Variants in MCMBP observed in about 807,000 individuals in gnomAD.
The protein encoded by MCMBP is mini-chromosome maintenance complex-binding protein.
In MCMBP, 31 loss-of-function variants were observed where a neutral mutation model predicts 81.3. That is an observed-to-expected ratio of 0.38 (90% CI 0.29 to 0.51). The LOEUF (loss-of-function observed/expected upper bound fraction) is 0.51, where lower values mean the gene tolerates loss of function less well. Ranked by LOEUF, MCMBP falls within the 20% of genes least tolerant of loss-of-function variation. The pLI is 0.87. For synonymous variants in MCMBP, 267 were observed against 275.9 expected (o/e 0.97, Z 0.32); for missense variants, 645 against 772.1 (o/e 0.84, Z 1.95).
intron 15 of MCMBP, 54 bp downstream of exon 15, chr10:119,831,958 G>C: frequency 6.7e-7 from 1 of 1,491,494 alleles, no homozygotes; most frequent in Non-Finnish European, 9.1e-7. Context: ...GAATAACTCA[G>C]AAGACATATA....
rs1334047597 is a variant in MCMBP, at chr10:119,859,318, A to G, written c.145-137T>C. Reference sequence around the variant, plus strand: ...CACACACACACACCCATGCCACATCAGAGAGCCAAATGATCTCAATGGTCA... The same window carrying G: ...CACACACACACACCCATGCCACATCGGAGAGCCAAATGATCTCAATGGTCA... On this transcript the variant is annotated intron_variant, in intron 2 of 15. Coordinates refer to ENST00000369077, the MANE Select transcript of MCMBP (RefSeq NM_001256378.2). The G allele has an allele frequency of 7.0e-6, 5 of 709,386 alleles. No homozygotes were observed. In the African/African-American group the frequency reaches 7.2e-5, roughly 10 times the overall value. The allele number at this position is 709,386 out of a possible 1,614,324, so 43.9% of individuals were successfully genotyped here. A position where few individuals can be genotyped will look rare whatever the true frequency, so the allele number is the denominator to read the frequency against.
intron 6 of MCMBP, among the ~76,000 whole-genome samples, chr10:119,852,519 T>G (rs369518890): frequency 6.6e-6 from 1 of 152,010 alleles, no homozygotes; most frequent in African/African-American, 2.4e-5. Flanking sequence ...TACACAAAAT[T>G]TAAAAAGTTA....
intron 5 of MCMBP, among the ~76,000 whole-genome samples, chr10:119,855,398 G>A (rs1374145547): frequency 6.6e-6 from 1 of 152,200 alleles, no homozygotes; most frequent in South Asian, 2.1e-4. Context: ...AGGGCCAGGC[G>A]CGGTGGCTCA....
At chr10:119,868,941 A>G (rs1853567911) in intron 1 of MCMBP, among the ~76,000 whole-genome samples, 1 of 152,180 alleles carries the variant, frequency 6.6e-6, no homozygotes, top group Non-Finnish European at 1.5e-5. Flanking sequence ...AAAGTCTCAG[A>G]GCAAGGCAAG....
Position 119,838,312 on chromosome 10 carries a change from T to G in MCMBP, c.1408+223A>C, listed in dbSNP as rs900508344. On this transcript the variant is annotated intron_variant, in intron 12 of 15. Coordinates refer to ENST00000369077, the MANE Select transcript of MCMBP (RefSeq NM_001256378.2). Reference sequence around the variant, plus strand: ...ATTATATAAGATATATTATATAAGATATATATCTGTTCCATTGTACTACTT... The same window carrying G: ...ATTATATAAGATATATTATATAAGAGATATATCTGTTCCATTGTACTACTT... Among the ~76,000 whole-genome samples the G allele has an allele frequency of 2.7e-5, 4 of 148,986 alleles. No homozygotes were observed. In the Admixed American group the frequency reaches 2.7e-4, roughly 10 times the overall value.
intron 14 of MCMBP, among the ~76,000 whole-genome samples, chr10:119,832,720 CTT>C (rs1458614665): frequency 2.0e-5 from 3 of 152,252 alleles, no homozygotes; most frequent in Admixed American, 6.5e-5. Context: ...GCAAGGTTGT[CTT>C]TATTTAACCT....
chr10:119,847,770 T>G (rs772227660), intron 7 of MCMBP, 57 bp from the exon 8 acceptor site: 279 of 1,037,446 alleles, frequency 2.7e-4, no homozygotes, highest in Admixed American at 4.7e-4. Flanking sequence ...CTTAAGATAT[T>G]AGTCTTGAAG....
intron 14 of MCMBP, among the ~76,000 whole-genome samples, chr10:119,834,649 T>G (rs758283097): frequency 6.6e-6 from 1 of 151,528 alleles, no homozygotes; most frequent in African/African-American, 2.4e-5. Flanking sequence ...AGATCCCCTA[T>G]CTGCACACAC....
Position 119,870,444 on chromosome 10 carries a change from C to CAAA in MCMBP, c.58+2080_58+2082dup, listed in dbSNP as rs34275612. On this transcript the variant is annotated intron_variant, in intron 1 of 15. Transcript: ENST00000369077. Reference sequence around the variant, plus strand: ...CCTGGGTGACAGTGCGAGACTGTCTCAAAAAAAAAAAATGCATATTTCAAA... The same window carrying CAAA: ...CCTGGGTGACAGTGCGAGACTGTCTCAAAAAAAAAAAAAAATGCATATTTCAAA... 5.1e-3 allele frequency among the ~76,000 whole-genome samples: 686 copies of CAAA among 135,238 alleles called. 3 individuals are homozygous for CAAA. Among genetic ancestry groups the CAAA allele is most frequent in the Non-Finnish European group, 8.4e-3 (525 of 62,692 alleles). The allele number at this position is 135,238 out of a possible 152,430, so 88.7% of individuals were successfully genotyped here.
intron 10 of MCMBP, among the ~76,000 whole-genome samples, chr10:119,842,226 G>C (rs1352213107): frequency 6.6e-6 from 1 of 152,158 alleles, no homozygotes; most frequent in Non-Finnish European, 1.5e-5. Flanking sequence ...GTGCCTAAAA[G>C]GTTGGGGACC....
chr10:119,859,742 T>C (rs1853184381), intron 2 of MCMBP, 57 bp downstream of exon 2: 1 of 1,145,020 alleles, frequency 8.7e-7, no homozygotes, highest in South Asian at 1.4e-5. Context: ...GTTACTCTAC[T>C]AAGAGAAACT....
Position 119,849,430 on chromosome 10 carries a change from C to A in MCMBP, c.721G>T (p.Val241Leu). The A allele has an allele frequency of 1.2e-6, 2 of 1,607,622 alleles. No homozygotes were observed. The highest frequency in any genetic ancestry group is 1.7e-6 in the Non-Finnish European group (2 of 1,178,188). The change falls in exon 7 of 16, where the codon GTG becomes TTG. Residue 241 changes from valine (V) to leucine (L), a missense_variant. By Grantham distance (32) the Val-to-Leu change is conservative. Coordinates refer to ENST00000369077, the MANE Select transcript of MCMBP (RefSeq NM_001256378.2). ...LPGEKGPACL[V>L]KVYEDWDCFK... ...TCTACGAAAGGTTTTATTACCTTCA[C>A]AAGGCATGCAGGGCCCTTCTCTCCT... is the stretch of plus-strand genomic sequence containing the variant.
At chr10:119,851,444 A>G (rs933470271) in intron 6 of MCMBP, among the ~76,000 whole-genome samples, 1 of 152,048 alleles carries the variant, frequency 6.6e-6, no homozygotes, top group African/African-American at 2.4e-5. Flanking sequence ...TTACTATGAT[A>G]TTTATTTGAG....
At chr10:119,861,852 G>A (rs989912729) in intron 1 of MCMBP, among the ~76,000 whole-genome samples, 2 of 151,958 alleles carry the variant, frequency 1.3e-5, no homozygotes, top group African/African-American at 4.8e-5. Context: ...GTGATCCTCT[G>A]GCCTCAGTCT....
At chr10:119,833,397 C>T (rs1852115479) in intron 14 of MCMBP, among the ~76,000 whole-genome samples, 9 of 150,662 alleles carry the variant, frequency 6.0e-5, no homozygotes. Context: ...AATCCCAACA[C>T]ATTGGGAGGC....
intron 1 of MCMBP, among the ~76,000 whole-genome samples, chr10:119,869,326 C>G (rs906455578): frequency 2.0e-5 from 3 of 152,212 alleles, no homozygotes; most frequent in Non-Finnish European, 2.9e-5. Context: ...ACAATCCCAG[C>G]ACTTTGGGAG....
chr10:119,846,258 G>A (rs1182279559), intron 8 of MCMBP, among the ~76,000 whole-genome samples: 1 of 152,204 alleles, frequency 6.6e-6, no homozygotes, highest in Non-Finnish European at 1.5e-5. Context: ...GAAAATTTGG[G>A]TCTCGAAATA....
intron 1 of MCMBP, among the ~76,000 whole-genome samples, chr10:119,867,271 C>T (rs1418496850): frequency 2.9e-5 from 3 of 104,262 alleles, no homozygotes; most frequent in African/African-American, 3.8e-5. Flanking sequence ...CCAGCCTGGG[C>T]GACAGAGCGA....
intron 5 of MCMBP, among the ~76,000 whole-genome samples, chr10:119,854,025 C>T (rs1186267647): frequency 6.6e-6 from 1 of 151,028 alleles, no homozygotes; most frequent in African/African-American, 2.4e-5. Flanking sequence ...ACAGTGAGAA[C>T]TCATCTCTTT....
Sources: allele counts gnomAD v4.1 joint callset (sites outside exome capture counted in the v4.1 genomes callset), GRCh38; gene constraint gnomAD v4.1.1; transcripts MANE v1.5; gene names NCBI Gene and HGNC (gene_info 2026-07-23, HGNC 2026-07-21).